The following ANK2 variants were observed in gnomAD, a reference collection of about 807,000 sequenced individuals.
ANK2 encodes ankyrin-2.
ANK2 carries 83 observed loss-of-function variants against 360.5 expected under a neutral mutation model. The observed-to-expected ratio is 0.23, with a 90% CI of 0.19 to 0.28. The LOEUF is 0.28. ANK2 is among the 10% of genes least tolerant of loss of function. The pLI is 1.00. For missense variants in ANK2, 4,201 were observed against 4,795.7 expected, an observed-to-expected ratio of 0.88 and a Z score of 3.66; for synonymous variants, 1,740 against 1,759.5, an observed-to-expected ratio of 0.99 and a Z score of 0.28.
chr4:112,904,583 T>A, intron 2 of ANK2: 1 of 1,209,932 alleles, frequency 8.3e-7, no homozygotes, highest in Non-Finnish European at 1.2e-6. Flanking sequence ...AGAATGTAAT[T>A]AAGTACTATT....
At chr4:113,258,512 A>G in intron 13 of ANK2, 101 bp downstream of exon 13, 2 of 1,166,736 alleles carry the variant, frequency 1.7e-6, no homozygotes, top group Non-Finnish European at 2.6e-6. Flanking sequence ...CATCGAAGTA[A>G]GCAACCAAGC....
the ANK2 span, among the ~76,000 whole-genome samples, chr4:112,790,122 A>G: frequency 1.3e-5 from 2 of 152,218 alleles, no homozygotes; most frequent in African/African-American, 2.4e-5. Flanking sequence ...TTTCTTCTAT[A>G]TGGTAGAGAT....
At chr4:113,056,059 GT>G (rs1297002498) in intron 1 of ANK2, among the ~76,000 whole-genome samples, 2 of 152,054 alleles carry the variant, frequency 1.3e-5, no homozygotes, top group Non-Finnish European at 2.9e-5. Flanking sequence ...CTTCCATTAT[GT>G]TTTGTGCTAT....
intron 2 of ANK2, among the ~76,000 whole-genome samples, chr4:112,975,573 G>A (rs563889672): frequency 1.9e-4 from 29 of 152,228 alleles, no homozygotes; most frequent in Non-Finnish European, 3.2e-4. Flanking sequence ...GCTGGCTGAC[G>A]GTTTTATCCA....
intron 2 of ANK2, among the ~76,000 whole-genome samples, chr4:113,004,007 A>C (rs2051803640): frequency 6.6e-6 from 1 of 152,210 alleles, no homozygotes; most frequent in Non-Finnish European, 1.5e-5. Context: ...ACAATGATAC[A>C]TCGGTATAGG....
chr4:113,188,469 T>C (rs929759590), intron 2 of ANK2, among the ~76,000 whole-genome samples: 6 of 152,130 alleles, frequency 3.9e-5, no homozygotes, highest in African/African-American at 1.4e-4. Context: ...GAAACTTCTT[T>C]TGGTCCCCTA....
At chr4:112,882,633 TG>T (rs2077015731) in intron 1 of ANK2, among the ~76,000 whole-genome samples, 1 of 152,114 alleles carries the variant, frequency 6.6e-6, no homozygotes, top group African/African-American at 2.4e-5. Flanking sequence ...GGAAAATTTA[TG>T]TAGGCAAAAT....
chr4:113,028,080 G>A (rs2059646639), intron 2 of ANK2, among the ~76,000 whole-genome samples: 1 of 151,874 alleles, frequency 6.6e-6, no homozygotes, highest in African/African-American at 2.4e-5. Flanking sequence ...CACACACTGT[G>A]GATTTTGCCT....
chr4:113,004,678 A>G (rs2052112763), intron 2 of ANK2, among the ~76,000 whole-genome samples: 1 of 152,228 alleles, frequency 6.6e-6, no homozygotes, highest in African/African-American at 2.4e-5. Flanking sequence ...AAATACATAA[A>G]CCAGTTACAT....
intron 2 of ANK2, among the ~76,000 whole-genome samples, chr4:112,918,533 C>T (rs1459702707): frequency 6.6e-6 from 1 of 152,170 alleles, no homozygotes; most frequent in East Asian, 1.9e-4. Flanking sequence ...TCTTTGATCG[C>T]CCTCACCATG....
rs189656680 is a variant in ANK2, at chr4:113,208,098, G to A, written c.384+8989G>A. Among the ~76,000 whole-genome samples, 15 of 150,318 alleles carry A rather than the reference G, an allele frequency of 1.0e-4. 1 individual carries two copies. The highest frequency in any genetic ancestry group is 9.7e-4 in the East Asian group (5 of 5,180). Reference sequence around the variant, plus strand: ...TTTTATGAGCCATATTAAGGTTTTCGTTCTAAGACTTGTATCCTAAGCCCA... The same window carrying A: ...TTTTATGAGCCATATTAAGGTTTTCATTCTAAGACTTGTATCCTAAGCCCA... On this transcript the variant is annotated intron_variant, in intron 4 of 45. Coordinates refer to ENST00000357077, the MANE Select transcript of ANK2 (RefSeq NM_001148.6).
At chr4:113,179,050 G>A (rs1347302807) in intron 2 of ANK2, among the ~76,000 whole-genome samples, 1 of 152,046 alleles carries the variant, frequency 6.6e-6, no homozygotes, top group Non-Finnish European at 1.5e-5. Context: ...AAGTCAAAGA[G>A]CACCACCACC....
At chr4:113,081,079 C>T (rs1480767959) in intron 1 of ANK2, among the ~76,000 whole-genome samples, 1 of 152,196 alleles carries the variant, frequency 6.6e-6, no homozygotes, top group African/African-American at 2.4e-5. Flanking sequence ...TTATTCTTAT[C>T]AGACTCCAGA....
chr4:112,924,958 C>T (rs2092328419), intron 2 of ANK2, among the ~76,000 whole-genome samples: 1 of 151,748 alleles, frequency 6.6e-6, no homozygotes, highest in Admixed American at 6.6e-5. Context: ...ACTGCCTCAG[C>T]CTCCTGAGTA....
At chr4:113,300,941 A>T (rs755857887) in intron 22 of ANK2, among the ~76,000 whole-genome samples, 30 of 152,216 alleles carry the variant, frequency 2.0e-4, no homozygotes, top group Non-Finnish European at 1.9e-4. Context: ...ATATAGTCAG[A>T]GTTGCTCAGT....
intron 2 of ANK2, among the ~76,000 whole-genome samples, chr4:112,989,827 A>G (rs1204324785): frequency 6.6e-6 from 1 of 152,250 alleles, no homozygotes; most frequent in Non-Finnish European, 1.5e-5. Context: ...TACAGAAAAC[A>G]TGCACAAACA....
At chr4:112,717,761 A>G in the ANK2 span, among the ~76,000 whole-genome samples, 1 of 138,924 alleles carries the variant, frequency 7.2e-6, no homozygotes, top group African/African-American at 2.7e-5. Context: ...AGTTTCTTAG[A>G]CAACAATGAA....
the ANK2 span, among the ~76,000 whole-genome samples, chr4:112,778,975 T>C: frequency 6.6e-6 from 1 of 152,200 alleles, no homozygotes; most frequent in African/African-American, 2.4e-5. Context: ...TCCAGGGAAA[T>C]CTAATTTGTA....
At chr4:113,021,530 C>CCCCCCCCACACACA (rs1554056650) in intron 2 of ANK2, among the ~76,000 whole-genome samples, 34 of 13,076 alleles carry the variant, frequency 2.6e-3, no homozygotes, top group African/African-American at 7.6e-3. Flanking sequence ...ACACACACAC[C>CCCCCCCCACACACA]CACACACAAA....
Sources: gnomAD v4.1 joint callset for allele counts (sites outside exome capture counted in the v4.1 genomes callset) on GRCh38, gnomAD v4.1.1 for gene constraint, MANE v1.5 for transcripts, NCBI Gene and HGNC (gene_info 2026-07-23, HGNC 2026-07-21) for gene names.